Variants in RBFOX1 observed in about 807,000 individuals in gnomAD.
The protein encoded by RBFOX1 is RNA binding fox-1 homolog 1.
In RBFOX1, 8 loss-of-function variants were observed where a neutral mutation model predicts 57.7. That is an observed-to-expected ratio of 0.14 (90% CI 0.08 to 0.25). The LOEUF (loss-of-function observed/expected upper bound fraction) is 0.25. Ranked by LOEUF, RBFOX1 falls within the 10% of genes least tolerant of loss-of-function variation. The pLI is 1.00. For missense variants in RBFOX1, 611 were observed against 548.5 expected (o/e 1.11, Z -1.14); for synonymous variants, 326 against 222.4 (o/e 1.47, Z -4.15).
intron 2 of RBFOX1, among the ~76,000 whole-genome samples, chr16:5,558,876 C>T (rs138103261): frequency 6.6e-6 from 1 of 152,216 alleles, no homozygotes; most frequent in East Asian, 1.9e-4. Context: ...AGAGAGACAC[C>T]TGGAGAACTT....
At chr16:6,679,444 C>T (rs113709581) in intron 3 of RBFOX1, among the ~76,000 whole-genome samples, 2 of 152,076 alleles carry the variant, frequency 1.3e-5, no homozygotes, top group Admixed American at 6.6e-5. Context: ...TGCCTCGTTT[C>T]TTGGTCTCAC....
chr16:5,588,187 A>G (rs2046894834), intron 2 of RBFOX1, among the ~76,000 whole-genome samples: 1 of 152,058 alleles, frequency 6.6e-6, no homozygotes, highest in Non-Finnish European at 1.5e-5. Context: ...TAGATCGGTG[A>G]TTGCTTGGGG....
At chr16:7,180,305 T>C (rs2082447585) in intron 4 of RBFOX1, among the ~76,000 whole-genome samples, 1 of 152,182 alleles carries the variant, frequency 6.6e-6, no homozygotes, top group Non-Finnish European at 1.5e-5. Context: ...CTATAATTAT[T>C]CCCATTTTTC....
intron 2 of RBFOX1, among the ~76,000 whole-genome samples, chr16:5,557,436 C>G (rs1365233251): frequency 6.6e-6 from 1 of 151,856 alleles, no homozygotes; most frequent in East Asian, 1.9e-4. Flanking sequence ...AGATAATAAA[C>G]AGGGTAACAA....
At chr16:5,446,671 T>C (rs986874790) in intron 1 of RBFOX1, among the ~76,000 whole-genome samples, 9 of 152,078 alleles carry the variant, frequency 5.9e-5, no homozygotes, top group Admixed American at 5.2e-4. Context: ...GGGATCGCTG[T>C]GATTCCAGAA....
At chr16:5,498,701 C>A (rs375755873) in intron 2 of RBFOX1, among the ~76,000 whole-genome samples, 8 of 152,294 alleles carry the variant, frequency 5.3e-5, no homozygotes, top group African/African-American at 1.9e-4. Flanking sequence ...ACACATCAAC[C>A]TGATCTCTTA....
At chr16:7,303,331 C>A (rs2096077590) in intron 4 of RBFOX1, among the ~76,000 whole-genome samples, 1 of 152,174 alleles carries the variant, frequency 6.6e-6, no homozygotes, top group Admixed American at 6.5e-5. Context: ...TGCCCCCAGC[C>A]CCTAACGTCT....
intron 4 of RBFOX1, among the ~76,000 whole-genome samples, chr16:7,196,944 A>C (rs1309051138): frequency 6.6e-6 from 1 of 152,210 alleles, no homozygotes; most frequent in Non-Finnish European, 1.5e-5. Context: ...GGTTATCTGA[A>C]ATATATAAAT....
intron 3 of RBFOX1, among the ~76,000 whole-genome samples, chr16:6,810,328 C>T (rs975054752): frequency 4.6e-5 from 7 of 152,038 alleles, no homozygotes; most frequent in East Asian, 1.9e-4. Context: ...CCATGAGGGC[C>T]GTACAGGAGG....
At chr16:5,606,939 G>A (rs1291542515) in intron 3 of RBFOX1, among the ~76,000 whole-genome samples, 4 of 152,176 alleles carry the variant, frequency 2.6e-5, no homozygotes, top group African/African-American at 7.2e-5. Context: ...TAGTAGTTAA[G>A]AAATTGAGTT....
At chr16:6,007,181 C>T (rs778326790) in intron 4 of RBFOX1, among the ~76,000 whole-genome samples, 9 of 152,146 alleles carry the variant, frequency 5.9e-5, no homozygotes, top group Non-Finnish European at 1.0e-4. Context: ...TTCAGCTTGG[C>T]GTGAATGAAT....
chr16:5,885,013 A>G (rs2057862476), intron 4 of RBFOX1, among the ~76,000 whole-genome samples: 1 of 152,326 alleles, frequency 6.6e-6, no homozygotes, highest in Non-Finnish European at 1.5e-5. Context: ...TGGAGCCTGC[A>G]TGTAAAATGA....
chr16:6,411,706 G>T (rs998285461), intron 2 of RBFOX1, among the ~76,000 whole-genome samples: 9 of 152,172 alleles, frequency 5.9e-5, no homozygotes, highest in Non-Finnish European at 1.3e-4. Context: ...CCTACTGCAT[G>T]CTCTCAGCTT....
chr16:5,744,839 C>G (rs1460967518), intron 3 of RBFOX1, among the ~76,000 whole-genome samples: 1 of 152,156 alleles, frequency 6.6e-6, no homozygotes, highest in Non-Finnish European at 1.5e-5. Flanking sequence ...CTCACTGCAA[C>G]TTCTGCCTCC....
intron 3 of RBFOX1, among the ~76,000 whole-genome samples, chr16:6,966,413 T>TG (rs1225536701): frequency 1.3e-5 from 2 of 151,996 alleles, no homozygotes; most frequent in African/African-American, 4.8e-5. Context: ...TACATGACCC[T>TG]GGGGGGTCTT....
intron 4 of RBFOX1, among the ~76,000 whole-genome samples, chr16:7,228,458 A>C (rs1029490258): frequency 1.5e-4 from 23 of 152,226 alleles, no homozygotes; most frequent in Non-Finnish European, 5.9e-5. Flanking sequence ...CTATGTGGCT[A>C]TTCTAAATAG....
intron 3 of RBFOX1, among the ~76,000 whole-genome samples, chr16:6,944,716 C>G (rs545506319): frequency 6.6e-6 from 1 of 152,140 alleles, no homozygotes; most frequent in Non-Finnish European, 1.5e-5. Flanking sequence ...TCCTGGGCAA[C>G]CTTTCTGCCC....
Position 6,041,119 on chromosome 16 carries a change from C to T in RBFOX1, c.-127+21127C>T, listed in dbSNP as rs1263543948. Among the ~76,000 whole-genome samples, 3 of 152,172 alleles carry T rather than the reference C, an allele frequency of 2.0e-5. No homozygotes were observed. In the East Asian group the frequency reaches 5.8e-4, roughly 29 times the overall value. ...TACTTCACTTATTCTTCCCTCCCTG[C>T]TCTCCCCCTGCAGGTTCCTGGCAAC... On this transcript the variant is annotated intron_variant, in intron 1 of 15. Coordinates refer to ENST00000550418, the MANE Select transcript of RBFOX1 (RefSeq NM_018723.4).
At chr16:5,496,539 A>G (rs144292344) in intron 2 of RBFOX1, among the ~76,000 whole-genome samples, 53 of 151,440 alleles carry the variant, frequency 3.5e-4, no homozygotes, top group African/African-American at 1.1e-3. Context: ...TATCCCACTT[A>G]CTCACTTGTT....
Sources: allele counts gnomAD v4.1 joint callset (sites outside exome capture counted in the v4.1 genomes callset), GRCh38; gene constraint gnomAD v4.1.1; transcripts MANE v1.5; gene names NCBI Gene and HGNC (gene_info 2026-07-23, HGNC 2026-07-21).